EXOSC9: variants seen among roughly 807,000 people sequenced by gnomAD.
EXOSC9 encodes the protein exosome component 9.
A neutral mutation model predicts 56.5 loss-of-function variants in EXOSC9; 38 were observed. The ratio of observed to expected loss-of-function variants is 0.67; its 90% CI spans 0.52 to 0.88. The LOEUF (loss-of-function observed/expected upper bound fraction) is 0.88. Among genes scored for constraint, EXOSC9 ranks in the 40% least tolerant of loss-of-function variants. The pLI is 0.00. For missense variants in EXOSC9, 559 were observed against 530.5 expected (o/e 1.05, Z -0.53); for synonymous variants, 170 against 170.8 (o/e 0.99, Z 0.04).
intron 4 of EXOSC9, 56 bp from the exon 5 acceptor site, chr4:121,804,566 A>C (rs1726964169): frequency 8.6e-7 from 1 of 1,160,296 alleles, no homozygotes; most frequent in Non-Finnish European, 1.2e-6. Flanking sequence ...TTTCCTGATA[A>C]ATAGCCACTG....
intron 6 of EXOSC9, among the ~76,000 whole-genome samples, chr4:121,808,490 G>C (rs1258422797): frequency 6.6e-6 from 1 of 152,016 alleles, no homozygotes; most frequent in Non-Finnish European, 1.5e-5. Flanking sequence ...CTTCCGAGTA[G>C]TTGAGACTAC....
In EXOSC9 at chr4:121,815,899, C is replaced by A. The variant is rs534984531; in HGVS notation, c.1157-470C>A. On this transcript the variant is annotated intron_variant, in intron 10 of 11. Transcript: ENST00000243498. ...TGTAGGAAATAAGAGTTTAAAGAAA[C>A]AAATGTTACAGATGAGTTCTAGAGT... is the stretch of plus-strand genomic sequence containing the variant. The A allele has an allele frequency of 2.0e-4, 238 of 1,182,608 alleles. 1 individual carries two copies. The highest frequency in any genetic ancestry group is 1.0e-3 in the Middle Eastern group (3 of 2,970). The allele number at this position is 1,182,608 out of a possible 1,614,324, so 73.3% of individuals were successfully genotyped here. A position where few individuals can be genotyped will look rare whatever the true frequency, so the allele number is the denominator to read the frequency against.
rs1724509790 is a variant in EXOSC9, at chr4:121,816,387, C to CA, written c.1176dup (p.Asp393ArgfsTer2). On this transcript the variant is annotated frameshift_variant, in exon 11 of 12. Coordinates refer to ENST00000243498, the MANE Select transcript of EXOSC9 (RefSeq NM_005033.3). LOFTEE classifies it high-confidence loss of function. The stretch of plus-strand genomic sequence containing the variant: ...AACAAAGATGCTCCCATAATACTCT[C>CA]AGATAGTGAAGAAGAAGAAATGATC... The CA allele has an allele frequency of 6.4e-7, 1 of 1,552,802 alleles. No individual in the cohort carries two copies. The highest frequency in any genetic ancestry group is 1.2e-5 in the South Asian group (1 of 83,292).
rs773065711 is a variant in EXOSC9 at position 121,802,800 on chromosome 4, A to T, written c.281+7A>T. On this transcript the variant is annotated splice_region_variant and intron_variant, in intron 3 of 11. Coordinates refer to ENST00000243498, the MANE Select transcript of EXOSC9 (RefSeq NM_005033.3). Reference sequence around the variant, plus strand: ...CAGCTTTCGAACCTGGCAGGTATTTAAATCTTTTTCTTAAGTTGCTTTAGT... The same window carrying T: ...CAGCTTTCGAACCTGGCAGGTATTTTAATCTTTTTCTTAAGTTGCTTTAGT... The T allele has an allele frequency of 6.2e-7, 1 of 1,613,362 alleles. No individual in the cohort carries two copies. Among genetic ancestry groups the T allele is most frequent in the Non-Finnish European group, 8.5e-7 (1 of 1,179,838 alleles).
At chr4:121,807,362 G>C (rs1046989530) in intron 5 of EXOSC9, among the ~76,000 whole-genome samples, 178 bp from the exon 6 acceptor site, 1 of 152,148 alleles carries the variant, frequency 6.6e-6, no homozygotes, top group Non-Finnish European at 1.5e-5. Flanking sequence ...TTTTGAAAAA[G>C]TTGTACAGTT....
At chr4:121,813,607 T>G in intron 9 of EXOSC9, 1 of 539,854 alleles carries the variant, frequency 1.9e-6, no homozygotes, top group Non-Finnish European at 3.2e-6. Flanking sequence ...AAGGACCAAT[T>G]TAATTTAGTA....
At chr4:121,810,183 G>A in intron 7 of EXOSC9, 84 bp downstream of exon 7, 1 of 1,180,442 alleles carries the variant, frequency 8.5e-7, no homozygotes, top group Non-Finnish European at 1.3e-6. Flanking sequence ...AAATCCAATG[G>A]GGATACTTCC....
chr4:121,809,280 C>G (rs576702555), intron 6 of EXOSC9, among the ~76,000 whole-genome samples: 73 of 152,222 alleles, frequency 4.8e-4, no homozygotes, highest in Admixed American at 2.2e-3. Flanking sequence ...AGCCACCATG[C>G]CTGGCCTCAT....
intron 7 of EXOSC9, among the ~76,000 whole-genome samples, chr4:121,810,309 T>C (rs1034588672): frequency 2.6e-5 from 4 of 152,080 alleles, no homozygotes; most frequent in Non-Finnish European, 4.4e-5. Flanking sequence ...TGCTCCCGTG[T>C]CTGGCCTGCT....
Position 121,801,929 on chromosome 4 carries a change from G to A in EXOSC9, c.161+8G>A, listed in dbSNP as rs1409472912. The stretch of plus-strand genomic sequence containing the variant: ...GGAACTTGGAAAAACAAGGTAACAG[G>A]ATTTAAATGAGATACACATTCGGAA... On this transcript the variant is annotated splice_region_variant and intron_variant, in intron 2 of 11. Coordinates refer to ENST00000243498, the MANE Select transcript of EXOSC9 (RefSeq NM_005033.3). 1 of 1,588,494 alleles carries A rather than the reference G, an allele frequency of 6.3e-7. No homozygotes were observed. The highest frequency in any genetic ancestry group is 8.6e-7 in the Non-Finnish European group (1 of 1,156,872).
At chr4:121,814,196 G>A (rs1224545645) in intron 10 of EXOSC9, 149 bp downstream of exon 10, 3 of 504,170 alleles carry the variant, frequency 6.0e-6, no homozygotes, top group African/African-American at 1.9e-5. Context: ...GAGATGTATA[G>A]TGGATAAATA....
In EXOSC9 at chr4:121,801,904, G is replaced by A. The variant is rs1356190904; in HGVS notation, c.144G>A (p.Val48=). Residue 48 remains valine (V), a synonymous_variant, in exon 2 of 12, where the codon GTG becomes GTA. Coordinates refer to ENST00000243498, the MANE Select transcript of EXOSC9 (RefSeq NM_005033.3). Reference sequence around the variant, plus strand: ...GAACAGATTACGGATGCTGCATTGTGGAACTTGGAAAAACAAGGTAACAGG... The same window carrying A: ...GAACAGATTACGGATGCTGCATTGTAGAACTTGGAAAAACAAGGTAACAGG... ...SFGTDYGCCI[V]ELGKTRVLGQ... is the part of the protein sequence containing the mutation. 6.2e-7 allele frequency: 1 copy of A among 1,612,792 alleles called. No individual in the cohort carries two copies. Among genetic ancestry groups the A allele is most frequent in the Admixed American group, 1.7e-5 (1 of 60,016 alleles).
At chr4:121,816,325 T>G (rs1724502629) in intron 10 of EXOSC9, 44 bp from the exon 11 acceptor site, 1 of 1,134,946 alleles carries the variant, frequency 8.8e-7, no homozygotes, top group Non-Finnish European at 1.2e-6. Flanking sequence ...TGCAAGAGAT[T>G]GCTTAACTTT....
At position 121,809,960 on chromosome 4, in the gene EXOSC9, A is replaced by G. The variant is rs1467077698; in HGVS notation, c.606-7A>G. On this transcript the variant is annotated splice_region_variant and splice_polypyrimidine_tract_variant and intron_variant, in intron 6 of 11. Coordinates refer to ENST00000243498, the MANE Select transcript of EXOSC9 (RefSeq NM_005033.3). ...ATTTGTTCAGGTCCATTTAACATTC[A>G]TTTCAGAACATATTTATTGGTGGAT... is the stretch of plus-strand genomic sequence containing the variant. 3 of 1,613,970 alleles carry G rather than the reference A, an allele frequency of 1.9e-6. No individual in the cohort carries two copies. The highest frequency in any genetic ancestry group is 2.5e-6 in the Non-Finnish European group (3 of 1,179,970).
At chr4:121,804,884 T>A in intron 5 of EXOSC9, 125 bp downstream of exon 5, 1 of 691,106 alleles carries the variant, frequency 1.4e-6, no homozygotes, top group Non-Finnish European at 2.2e-6. Context: ...AAAAATTTGT[T>A]TGTAAGACTG....
Position 121,816,447 on chromosome 4 carries a change from G to A in EXOSC9, c.1235G>A (p.Arg412Lys). 2 of 1,556,830 alleles carry A rather than the reference G, an allele frequency of 1.3e-6. No homozygotes were observed. The highest frequency in any genetic ancestry group is 1.7e-6 in the Non-Finnish European group (2 of 1,147,294). The change falls in exon 11 of 12, where the codon AGA becomes AAA. Residue 412 changes from arginine to lysine, a missense_variant and splice_region_variant. Transcript: ENST00000243498. ...LEPDKNPKKI[R>K]TQTTSAKQEK... ...CCAGACAAGAATCCAAAGAAAATAA[G>A]GTAACAAATTTCTGGTTTATTTCAA...
At position 121,813,208 on chromosome 4, in the gene EXOSC9, C is replaced by T. The variant is rs1039376237; in HGVS notation, c.828-26C>T. On this transcript the variant is annotated intron_variant, in intron 8 of 11. Coordinates refer to ENST00000243498, the MANE Select transcript of EXOSC9 (RefSeq NM_005033.3). ...TCTGTTACCTTCCTCCCCCTTCCTT[C>T]CCACCAAAAAAACCCCCACATACAG... The T allele has an allele frequency of 2.5e-6, 4 of 1,587,212 alleles. No individual in the cohort carries two copies. The African/African-American group carries it at 4.1e-5, about 16-fold the overall frequency.
intron 7 of EXOSC9, among the ~76,000 whole-genome samples, chr4:121,810,831 C>T (rs953436895): frequency 2.0e-5 from 3 of 152,092 alleles, no homozygotes; most frequent in Non-Finnish European, 4.4e-5. Flanking sequence ...TCACTGCATT[C>T]CAGCCTGGGC....
rs1351917712 is a variant in EXOSC9 at position 121,804,643 on chromosome 4, C to T, written c.406C>T (p.Leu136=). 1.2e-6 allele frequency: 2 copies of T among 1,602,566 alleles called. No homozygotes were observed. The highest frequency in any genetic ancestry group is 1.7e-6 in the Non-Finnish European group (2 of 1,170,456). ...TCAGGTTTGGCAAATACGTGTAGAC[C>T]TACATTTATTAAATCATGATGGAAA... ...GEKVWQIRVD[L]HLLNHDGNII... The change falls in exon 5 of 12, where the codon CTA becomes TTA. Residue 136 remains leucine (L), a synonymous_variant. Transcript: ENST00000243498.
Sources: allele counts gnomAD v4.1 joint callset (sites outside exome capture counted in the v4.1 genomes callset), GRCh38; gene constraint gnomAD v4.1.1; transcripts MANE v1.5; gene names NCBI Gene and HGNC (gene_info 2026-07-23, HGNC 2026-07-21).